The following SPEG variants were observed in gnomAD, a reference collection of about 807,000 sequenced individuals.
SPEG encodes striated muscle enriched protein kinase.
SPEG carries 114 observed loss-of-function variants against 300.4 expected under a neutral mutation model. The observed-to-expected ratio is 0.38, with a 90% CI of 0.33 to 0.44. SPEG has a LOEUF of 0.44. Among genes scored for constraint, SPEG ranks in the 20% least tolerant of loss-of-function variants. The pLI is 1.00. For missense variants in SPEG, 4,201 were observed against 4,586.2 expected (o/e 0.92, Z 2.43); for synonymous variants, 1,964 against 2,018.9 (o/e 0.97, Z 0.73).
chr2:219,441,209 A>G (rs1688897179), intron 1 of SPEG, among the ~76,000 whole-genome samples: 1 of 152,206 alleles, frequency 6.6e-6, no homozygotes, highest in African/African-American at 2.4e-5. Context: ...CGGGTGGAAC[A>G]CACAAAATAT....
chr2:219,470,358 G>A (rs565787771), intron 13 of SPEG, among the ~76,000 whole-genome samples: 113 of 152,114 alleles, frequency 7.4e-4, no homozygotes, highest in African/African-American at 2.2e-3. Flanking sequence ...CTGCCCACCC[G>A]CCTGCCCATC....
At position 219,479,892 on chromosome 2, in the gene SPEG, T is replaced by G; in HGVS notation, c.5163+32T>G. The G allele has an allele frequency of 6.2e-7, 1 of 1,613,914 alleles. No homozygotes were observed. Among genetic ancestry groups the G allele is most frequent in the Non-Finnish European group, 8.5e-7 (1 of 1,179,818 alleles). On this transcript the variant is annotated intron_variant, in intron 24 of 40. Coordinates refer to ENST00000312358, the MANE Select transcript of SPEG (RefSeq NM_005876.5). This position sits in a 1 kb window ranked among gnomAD's most constrained non-coding sequence, Gnocchi z 5.5. ...TGGGGACTGGAGAGCAGACAGCCCC[T>G]GTGGGAGCCAGGAGGTGAAGCATCC...
chr2:219,459,011 G>A lies in SPEG; in HGVS notation c.2441-2871G>A, dbSNP rs548703220. On this transcript the variant is annotated intron_variant, in intron 6 of 40. Coordinates refer to ENST00000312358, the MANE Select transcript of SPEG (RefSeq NM_005876.5). This position sits in a 1 kb window ranked among gnomAD's most constrained non-coding sequence, Gnocchi z 4.9. ...CTATTGTGAGAACACATCAGGGGAC[G>A]CTGAAACAGTTGGGGTCGGTGGATG... Among the ~76,000 whole-genome samples, 3 of 152,320 alleles carry A rather than the reference G, an allele frequency of 2.0e-5. No homozygotes were observed. Among genetic ancestry groups the A allele is most frequent in the East Asian group, 1.9e-4 (1 of 5,188 alleles).
At chr2:219,453,738 G>A (rs1689954648) in intron 6 of SPEG, among the ~76,000 whole-genome samples, 1 of 152,250 alleles carries the variant, frequency 6.6e-6, no homozygotes, top group Non-Finnish European at 1.5e-5. Context: ...GGCCTGGGGG[G>A]CAGGCATGTG....
At position 219,473,220 on chromosome 2, in the gene SPEG, G is replaced by A. The variant is rs538265911; in HGVS notation, c.4147+124G>A. 4.1e-4 allele frequency: 400 copies of A among 977,852 alleles called. No homozygotes were observed. Among genetic ancestry groups the A allele is most frequent in the Non-Finnish European group, 5.6e-4 (371 of 661,034 alleles). 60.6% of individuals were successfully genotyped at this position (977,852 alleles called of 1,614,324 possible). A position where few individuals can be genotyped will look rare whatever the true frequency, so the allele number is the denominator to read the frequency against. ...CTGGCAGGAGCAGCCTAGCCGGGCGGGACCTTGGCCCATCTGTACACTTCC... is the reference window on the plus strand; with the variant it reads ...CTGGCAGGAGCAGCCTAGCCGGGCGAGACCTTGGCCCATCTGTACACTTCC... On this transcript the variant is annotated intron_variant, in intron 16 of 40. Transcript: ENST00000312358. The surrounding 1 kb of genome is among the most constrained non-coding windows in gnomAD (Gnocchi z 4.6).
rs1037617565 is a variant in SPEG at position 219,468,894 on chromosome 2, C to T, written c.3337C>T (p.Arg1113Trp). 15 of 1,613,206 alleles carry T rather than the reference C, an allele frequency of 9.3e-6. No homozygotes were observed. Among genetic ancestry groups the T allele is most frequent in the South Asian group, 3.3e-5 (3 of 91,032 alleles). ...PMEESENLRL[R>W]QDGGLHSLHI... The stretch of plus-strand genomic sequence containing the variant: ...GGAGGAGAGTGAGAACTTGCGGCTG[C>T]GGCAGGACGGGGGTCTGCACTCACT... The change falls in exon 12 of 41, where the codon CGG becomes TGG. Residue 1113 changes from arginine to tryptophan, a missense_variant. By Grantham distance (101) the Arg-to-Trp change is moderately radical (BLOSUM62 -3). This residue lies in a region of SPEG where 1,047 missense variants were observed against 1,356.8 expected (regional missense o/e 0.77). Transcript: ENST00000312358.
In SPEG at chr2:219,479,213, G is replaced by A. The variant is rs774188352; in HGVS notation, c.5085+12G>A. On this transcript the variant is annotated intron_variant, in intron 23 of 40. Transcript: ENST00000312358. This position sits in a 1 kb window ranked among gnomAD's most constrained non-coding sequence, Gnocchi z 5.5. The stretch of plus-strand genomic sequence containing the variant: ...TGTGTGAGTCTGAGGTGAGGGCAGT[G>A]GGTGGCAGGGGCCAGGTTGGGCACC... The A allele has an allele frequency of 1.7e-5, 28 of 1,611,956 alleles. No individual in the cohort carries two copies. The highest frequency in any genetic ancestry group is 2.4e-5 in the Non-Finnish European group (28 of 1,178,872).
At chr2:219,486,415 A>G (rs1481304755) in intron 31 of SPEG, among the ~76,000 whole-genome samples, 1 of 152,036 alleles carries the variant, frequency 6.6e-6, no homozygotes, top group African/African-American at 2.4e-5. Flanking sequence ...GTGGCTGTCG[A>G]GTCTTGCCTC....
intron 1 of SPEG, among the ~76,000 whole-genome samples, chr2:219,441,009 G>A (rs1688884187): frequency 6.6e-6 from 1 of 152,232 alleles, no homozygotes; most frequent in Admixed American, 6.5e-5. Context: ...CTGAGACTCA[G>A]TCACTTGTCA....
In SPEG at chr2:219,435,084, C is replaced by G; in HGVS notation, c.107C>G (p.Pro36Arg). The G allele has an allele frequency of 6.8e-7, 1 of 1,467,236 alleles. No homozygotes were observed. Among genetic ancestry groups the G allele is most frequent in the Non-Finnish European group, 8.9e-7 (1 of 1,119,366 alleles). The allele number at this position is 1,467,236 out of a possible 1,614,324, so 90.9% of individuals were successfully genotyped here. A position where few individuals can be genotyped will look rare whatever the true frequency, so the allele number is the denominator to read the frequency against. ...AAGGTGGGGGCCGGCGGCGGGGCTC[C>G]TGTGGCCGTGGCCGGGGCGCCAGTC... ...RAKVGAGGGA[P>R]VAVAGAPVFL... Residue 36 changes from proline (P) to arginine (R), a missense_variant, in exon 1 of 41, where the codon CCT becomes CGT. By Grantham distance (103) the Pro-to-Arg change is moderately radical. Transcript: ENST00000312358.
rs1692766780 is a variant in SPEG, at chr2:219,480,771, C to T, written c.5369+74C>T. 7.1e-7 allele frequency: 1 copy of T among 1,415,706 alleles called. No individual in the cohort carries two copies. The highest frequency in any genetic ancestry group is 1.0e-6 in the Non-Finnish European group (1 of 1,000,128). The allele number at this position is 1,415,706 out of a possible 1,614,324, so 87.7% of individuals were successfully genotyped here. A position where few individuals can be genotyped will look rare whatever the true frequency, so the allele number is the denominator to read the frequency against. On this transcript the variant is annotated intron_variant, in intron 26 of 40. Transcript: ENST00000312358. The surrounding 1 kb of genome is among the most constrained non-coding windows in gnomAD (Gnocchi z 5.3). The stretch of plus-strand genomic sequence containing the variant: ...CTAACCTTTGCAGGGCTGCAGCCCA[C>T]CCCCTTCTCTTCCGCACCCCCCACT...
chr2:219,465,675 C>G (rs1203860167), intron 9 of SPEG: 3 of 330,838 alleles, frequency 9.1e-6, no homozygotes. Flanking sequence ...GAACCAGTCT[C>G]TGGCTAGCTG....
rs1227022566 is a variant in SPEG, at chr2:219,451,678, C to T, written c.2311C>T (p.Arg771Trp). 22 of 1,586,106 alleles carry T rather than the reference C, an allele frequency of 1.4e-5. No individual in the cohort carries two copies. Among genetic ancestry groups the T allele is most frequent in the African/African-American group, 2.7e-5 (2 of 74,548 alleles). Residue 771 changes from arginine (R) to tryptophan (W), a missense_variant, in exon 6 of 41, where the codon CGG becomes TGG. Around this residue, in one of 4 missense-constraint regions of SPEG, gnomAD observed 1,258 missense variants for 1,293.9 expected, o/e 0.97. Transcript: ENST00000312358. This position sits in a 1 kb window ranked among gnomAD's most constrained non-coding sequence, Gnocchi z 6.4. ...ALRSEGRLLL[R>W]AEGERHTLLL... ...GCGCAGCGAGGGCCGCCTCCTCCTC[C>T]GGGCTGAGGGTGAGCGGCACACCCT...
At position 219,485,044 on chromosome 2, in the gene SPEG, C is replaced by CT; in HGVS notation, c.7581_7582insT (p.Glu2528Ter). 5.2e-6 allele frequency: 8 copies of CT among 1,532,504 alleles called. No individual in the cohort carries two copies. The highest frequency in any genetic ancestry group is 7.0e-6 in the Non-Finnish European group (8 of 1,145,960). The allele number at this position is 1,532,504 out of a possible 1,614,324, so 94.9% of individuals were successfully genotyped here. On this transcript the variant is annotated frameshift_variant, in exon 30 of 41. Coordinates refer to ENST00000312358, the MANE Select transcript of SPEG (RefSeq NM_005876.5). LOFTEE classifies it high-confidence loss of function. ...CGCCTTCCGCCGAGTCCCTGGGCTC[C>CT]GAGGCCAGCGCCACGTCGGGCTCCT...
rs1689194441 is a variant in SPEG at position 219,445,255 on chromosome 2, T to C, written c.815+94T>C. On this transcript the variant is annotated intron_variant, in intron 3 of 40. Coordinates refer to ENST00000312358, the MANE Select transcript of SPEG (RefSeq NM_005876.5). The surrounding 1 kb of genome is among the most constrained non-coding windows in gnomAD (Gnocchi z 6.1). Reference sequence around the variant, plus strand: ...CTCAGTCAGCCTCCACCCATCACCCTGCCCCATCCATCTCTCTGTGCATTT... The same window carrying C: ...CTCAGTCAGCCTCCACCCATCACCCCGCCCCATCCATCTCTCTGTGCATTT... 3 of 1,169,232 alleles carry C rather than the reference T, an allele frequency of 2.6e-6. No homozygotes were observed. Among genetic ancestry groups the C allele is most frequent in the Non-Finnish European group, 3.7e-6 (3 of 805,078 alleles). The allele number at this position is 1,169,232 out of a possible 1,614,324, so 72.4% of individuals were successfully genotyped here.
At chr2:219,454,268 C>A (rs1429267060) in intron 6 of SPEG, among the ~76,000 whole-genome samples, 1 of 152,172 alleles carries the variant, frequency 6.6e-6, no homozygotes. Context: ...AGGGTCTGTG[C>A]GGAAAGGAGC....
chr2:219,461,343 G>C, intron 6 of SPEG: 1 of 988,030 alleles, frequency 1.0e-6, no homozygotes, highest in Non-Finnish European at 1.2e-6. Context: ...GAAGGGAAAG[G>C]GGGAGGGGCA....
rs1262544317 is a variant in SPEG at position 219,483,626 on chromosome 2, C to T, written c.6163C>T (p.Arg2055Trp). The T allele has an allele frequency of 5.9e-6, 9 of 1,514,350 alleles. No homozygotes were observed. Among genetic ancestry groups the T allele is most frequent in the South Asian group, 1.2e-5 (1 of 82,432 alleles). The allele number at this position is 1,514,350 out of a possible 1,614,324, so 93.8% of individuals were successfully genotyped here. The stretch of plus-strand genomic sequence containing the variant: ...CAGCCCGGGAGCCACCCGCCTGGCC[C>T]GGGGAGGCCTGGGTGAGGGCGAGTA... ...SPSPGATRLA[R>W]GGLGEGEYAQ... is the part of the protein sequence containing the mutation. Residue 2055 changes from arginine to tryptophan, a missense_variant, in exon 30 of 41, where the codon CGG (arginine) becomes TGG (tryptophan). This residue lies in a region of SPEG where 1,578 missense variants were observed against 1,506.0 expected (regional missense o/e 1.05). Transcript: ENST00000312358.
rs372891733 is a variant in SPEG, at chr2:219,455,036, G to A, written c.2440+3229G>A. Among the ~76,000 whole-genome samples the A allele has an allele frequency of 6.6e-5, 10 of 152,344 alleles. 1 individual carries two copies. The South Asian group carries it at 1.0e-3, about 16-fold the overall frequency. The stretch of plus-strand genomic sequence containing the variant: ...TTGAACCCAGGAGGCCGAGGTTGCA[G>A]TAAGCCGAGATCGTGCCACTGCACT... On this transcript the variant is annotated intron_variant, in intron 6 of 40. Coordinates refer to ENST00000312358, the MANE Select transcript of SPEG (RefSeq NM_005876.5).
Sources: allele counts gnomAD v4.1 joint callset (sites outside exome capture counted in the v4.1 genomes callset), GRCh38; gene constraint gnomAD v4.1.1; regional missense constraint gnomAD v4.1.1; non-coding constraint Gnocchi (gnomAD v3.1); transcripts MANE v1.5; gene names NCBI Gene and HGNC (gene_info 2026-07-23, HGNC 2026-07-21).